PAK3: variants seen among roughly 807,000 people sequenced by gnomAD.
PAK3 encodes the protein p21 (RAC1) activated kinase 3, also known as serine/threonine-protein kinase PAK 3.
A neutral mutation model predicts 41.0 loss-of-function variants in PAK3; 4 were observed. The ratio of observed to expected loss-of-function variants is 0.10; its 90% confidence interval spans 0.05 to 0.22. PAK3 has a LOEUF of 0.22. Ranked by LOEUF, PAK3 falls within the 10% of genes least tolerant of loss-of-function variation. The probability of loss-of-function intolerance (pLI) is 1.00; values close to 1 mark genes in which losing one functional copy is unlikely to be tolerated. For missense variants in PAK3, 205 were observed against 409.9 expected, an observed-to-expected ratio of 0.50 and a Z score of 4.32; for synonymous variants, 146 against 139.6, an observed-to-expected ratio of 1.05 and a Z score of -0.32.
chrX:110,948,601 C>T lies in PAK3; in HGVS notation c.-28+3973C>T, dbSNP rs1399825581. Among the ~76,000 whole-genome samples the T allele has an allele frequency of 4.5e-5, 5 of 111,980 alleles. No homozygotes were observed. The Admixed American group carries it at 4.7e-4, about 11-fold the overall frequency. Reference sequence around the variant, plus strand: ...CCCAGAACCTTTTTTTCTTTACAAACTGCCTTGAAAGGAGAATGGAGTTCT... The same window carrying T: ...CCCAGAACCTTTTTTTCTTTACAAATTGCCTTGAAAGGAGAATGGAGTTCT... On this transcript the variant is annotated intron_variant, in intron 1 of 14. Transcript: ENST00000425146.
chrX:111,202,603 A>G (rs1415527979), intron 16 of PAK3, among the ~76,000 whole-genome samples: 1 of 112,142 alleles, frequency 8.9e-6, no homozygotes, highest in Non-Finnish European at 1.9e-5. Flanking sequence ...AAGACTTTAA[A>G]CAACTGTTAT....
At chrX:110,960,598 A>AC (rs776209681) in intron 1 of PAK3, among the ~76,000 whole-genome samples, 36 of 111,426 alleles carry the variant, frequency 3.2e-4, no homozygotes, top group Non-Finnish European at 6.0e-4. Flanking sequence ...AATTGTAAGG[A>AC]CACTGGCTCT....
At chrX:110,967,488 G>C (rs1055264663) in intron 1 of PAK3, among the ~76,000 whole-genome samples, 2 of 111,231 alleles carry the variant, frequency 1.8e-5, no homozygotes, top group Non-Finnish European at 3.8e-5. Context: ...GATTGCAGGG[G>C]CCTGGGTGAG....
chrX:111,012,533 C>A (rs564331801), intron 1 of PAK3, among the ~76,000 whole-genome samples: 29 of 112,054 alleles, frequency 2.6e-4, no homozygotes, highest in African/African-American at 9.4e-4. Context: ...TGGCAGCAGA[C>A]ATGTTTTGGT....
At chrX:110,991,555 A>G (rs980130862) in intron 1 of PAK3, among the ~76,000 whole-genome samples, 4 of 112,076 alleles carry the variant, frequency 3.6e-5, no homozygotes, top group Non-Finnish European at 7.5e-5. Context: ...CAAGTAAAGT[A>G]CTTATCACCA....
chrX:111,150,289 T>C (rs2094007234), intron 7 of PAK3, among the ~76,000 whole-genome samples: 1 of 112,059 alleles, frequency 8.9e-6, no homozygotes, highest in Admixed American at 9.4e-5. Context: ...CCCACATTTT[T>C]CTATCTTCTT....
At chrX:111,115,029 G>A (rs1409659549) in intron 4 of PAK3, among the ~76,000 whole-genome samples, 1 of 112,117 alleles carries the variant, frequency 8.9e-6, no homozygotes, top group Non-Finnish European at 1.9e-5. Flanking sequence ...CAGCTTGGGG[G>A]CTTCCCAGGC....
At chrX:110,977,107 T>TA (rs991790810) in intron 1 of PAK3, among the ~76,000 whole-genome samples, 16 of 109,574 alleles carry the variant, frequency 1.5e-4, no homozygotes, top group East Asian at 1.1e-3. Context: ...TAGAGTATAA[T>TA]AAAAAAAAAT....
intron 5 of PAK3, among the ~76,000 whole-genome samples, chrX:111,127,399 G>A (rs1175434893): frequency 9.1e-6 from 1 of 109,587 alleles, no homozygotes; most frequent in Non-Finnish European, 1.9e-5. Flanking sequence ...CCTTTTAATA[G>A]CTACATTTCA....
intron 1 of PAK3, among the ~76,000 whole-genome samples, chrX:110,999,515 C>T (rs1047251193): frequency 4.5e-5 from 5 of 110,657 alleles, no homozygotes; most frequent in African/African-American, 1.7e-4. Context: ...ATGCTTCTTT[C>T]GCTTTGCGGA....
Position 111,070,113 on chromosome X carries a change from A to AAAAC in PAK3, c.-27-52941_-27-52938dup, listed in dbSNP as rs377234261. Among the ~76,000 whole-genome samples the AAAAC allele has an allele frequency of 1.8e-3, 197 of 111,693 alleles. 1 individual carries two copies. The highest frequency in any genetic ancestry group is 5.7e-3 in the African/African-American group (175 of 30,733). On this transcript the variant is annotated intron_variant, in intron 1 of 14. Transcript: ENST00000425146. The stretch of plus-strand genomic sequence containing the variant: ...TATGGGTACAAGGTAATCCTGAGAC[A>AAAAC]AAACAAACAAACAAACAAACAAACA...
intron 1 of PAK3, among the ~76,000 whole-genome samples, chrX:111,061,582 T>A (rs2092655911): frequency 8.9e-6 from 1 of 112,080 alleles, no homozygotes; most frequent in African/African-American, 3.2e-5. Flanking sequence ...AGAATTTATA[T>A]CCTTAACATA....
At chrX:111,007,517 G>C (rs1291231863) in intron 1 of PAK3, among the ~76,000 whole-genome samples, 1 of 111,574 alleles carries the variant, frequency 9.0e-6, no homozygotes, top group East Asian at 2.8e-4. Context: ...GGGTCCAGCT[G>C]CCTCCTCCAG....
intron 8 of PAK3, among the ~76,000 whole-genome samples, chrX:111,162,314 G>A (rs2094200937): frequency 8.9e-6 from 1 of 111,844 alleles, no homozygotes; most frequent in African/African-American, 3.2e-5. Flanking sequence ...TTAACTCATG[G>A]TTAATATTGA....
chrX:111,157,751 C>T (rs1393339881), intron 8 of PAK3, among the ~76,000 whole-genome samples: 6 of 106,538 alleles, frequency 5.6e-5, no homozygotes, highest in Non-Finnish European at 1.2e-4. Flanking sequence ...CGTGCCATTG[C>T]ACTCCAGCCT....
At chrX:110,969,173 C>T (rs1461435219) in intron 1 of PAK3, among the ~76,000 whole-genome samples, 3 of 87,418 alleles carry the variant, frequency 3.4e-5, no homozygotes. Flanking sequence ...GTCTCAAACT[C>T]CCGACCTCAG....
Position 111,158,147 on chromosome X carries a change from T to C in PAK3, c.469-4768T>C, listed in dbSNP as rs1448631105. 1.5e-4 allele frequency among the ~76,000 whole-genome samples: 17 copies of C among 111,958 alleles called. No individual in the cohort carries two copies. In the Admixed American group the frequency reaches 1.6e-3, roughly 11 times the overall value. ...GTTTTAGGGCTTAGACTGTTTGATT[T>C]TAAAGCAGGTCTTGCAAGGCGAGGA... On this transcript the variant is annotated intron_variant, in intron 8 of 17. Coordinates refer to ENST00000372007, the MANE Select transcript of PAK3 (RefSeq NM_002578.5).
Position 111,022,850 on chromosome X carries a change from C to T in PAK3, c.-28+78222C>T, listed in dbSNP as rs192138780. On this transcript the variant is annotated intron_variant, in intron 1 of 14. Coordinates refer to the PAK3 transcript ENST00000425146. ...AGGTAAAGGGGTAGAAAAAGATATT[C>T]CATGCAAACGGACACCAGAAGTGAG... Among the ~76,000 whole-genome samples the T allele has an allele frequency of 2.2e-4, 24 of 110,681 alleles. No individual in the cohort carries two copies. The East Asian group carries it at 5.7e-3, about 26-fold the overall frequency.
At chrX:111,042,047 G>T (rs2092457480) in intron 1 of PAK3, among the ~76,000 whole-genome samples, 1 of 112,132 alleles carries the variant, frequency 8.9e-6, no homozygotes, top group African/African-American at 3.2e-5. Flanking sequence ...CCCAAAAGGG[G>T]ACTTTTAAAG....
Sources: allele counts gnomAD v4.1 joint callset (sites outside exome capture counted in the v4.1 genomes callset), GRCh38; gene constraint gnomAD v4.1.1; transcripts MANE v1.5; gene names NCBI Gene and HGNC (gene_info 2026-07-23, HGNC 2026-07-21).